Variants in TARS3 observed in about 807,000 individuals in gnomAD.
TARS3 encodes the protein threonyl-tRNA synthetase 3.
In TARS3, 94 loss-of-function variants were observed where a neutral mutation model predicts 103.5. The observed-to-expected ratio is 0.91, with a 90% CI of 0.77 to 1.08. TARS3 has a LOEUF of 1.08. Among genes scored for constraint, TARS3 ranks in the 50% least tolerant of loss-of-function variants. The pLI, the probability that TARS3 is intolerant of heterozygous loss-of-function variation, is 0.00. For synonymous variants in TARS3, 416 were observed against 355.4 expected (o/e 1.17, Z -1.92); for missense variants, 952 against 995.2 (o/e 0.96, Z 0.58).
At chr15:101,695,387 C>T (rs565395715) in intron 10 of TARS3, among the ~76,000 whole-genome samples, 47 of 152,280 alleles carry the variant, frequency 3.1e-4, no homozygotes, top group African/African-American at 9.4e-4. Flanking sequence ...TGGCTTAGTA[C>T]GATGCTTTCG....
At position 101,671,490 on chromosome 15, in the gene TARS3, CAT is replaced by C. The variant is rs762066096; in HGVS notation, c.1961_1962del (p.Tyr654CysfsTer2). On this transcript the variant is annotated frameshift_variant, in exon 15 of 19. Transcript: ENST00000335968. LOFTEE classifies it high-confidence loss of function. ...FQLPIRFNLT[Y>X]VSKDGDDKKR... is the part of the protein sequence containing the mutation. The stretch of plus-strand genomic sequence containing the variant: ...TTATCACATTCAATCACTCACCTAA[CAT>C]ATGTGAGATTAAATCTAATAGGCAG... 2.4e-5 allele frequency: 39 copies of C among 1,598,354 alleles called. No homozygotes were observed. Among genetic ancestry groups the C allele is most frequent in the Non-Finnish European group, 2.6e-5 (30 of 1,166,516 alleles).
intron 3 of TARS3, among the ~76,000 whole-genome samples, 153 bp from the exon 4 acceptor site, chr15:101,715,116 T>C (rs1230346712): frequency 6.6e-6 from 1 of 152,048 alleles, no homozygotes; most frequent in Non-Finnish European, 1.5e-5. Flanking sequence ...TTTGCAATAT[T>C]TATTTTATGT....
At chr15:101,683,274 A>G (rs1898329102) in intron 12 of TARS3, among the ~76,000 whole-genome samples, 1 of 152,158 alleles carries the variant, frequency 6.6e-6, no homozygotes, top group African/African-American at 2.4e-5. Context: ...ATCGCATCCT[A>G]CAAATTTTGA....
chr15:101,665,499 TATC>T (rs1236778097), intron 15 of TARS3, among the ~76,000 whole-genome samples: 1 of 152,238 alleles, frequency 6.6e-6, no homozygotes, highest in Non-Finnish European at 1.5e-5. Flanking sequence ...TGTACAGCGT[TATC>T]ATCTCAGCGT....
intron 18 of TARS3, chr15:101,656,169 T>G: frequency 1.3e-6 from 1 of 758,048 alleles, no homozygotes. Flanking sequence ...CTACCTTTCA[T>G]GTCATGGGAT....
intron 3 of TARS3, among the ~76,000 whole-genome samples, chr15:101,719,054 G>A (rs1900312525): frequency 1.3e-5 from 2 of 152,152 alleles, no homozygotes; most frequent in Admixed American, 6.5e-5. Flanking sequence ...CAAAATCAGG[G>A]CCCATGGAGG....
Position 101,657,019 on chromosome 15 carries a change from A to G in TARS3, c.2163T>C (p.Phe721=), listed in dbSNP as rs749466131. The G allele has an allele frequency of 1.9e-6, 3 of 1,612,710 alleles. No individual in the cohort carries two copies. The East Asian group carries it at 6.7e-5, about 36-fold the overall frequency. The change falls in exon 18 of 19, where the codon TTT becomes TTC. Residue 721 remains phenylalanine (F), a synonymous_variant. Coordinates refer to ENST00000335968, the MANE Select transcript of TARS3 (RefSeq NM_152334.3). ...KYALQVSSEF[F]EEGFMADVDL... is the part of the protein sequence containing the mutation. ...CAACGTCAGCCATAAATCCTTCTTC[A>G]AAAAATTCACTGGATACCTAGAAGA...
intron 10 of TARS3, among the ~76,000 whole-genome samples, chr15:101,691,642 G>C (rs1898729444): frequency 6.6e-6 from 1 of 152,078 alleles, no homozygotes; most frequent in South Asian, 2.1e-4. Flanking sequence ...GATGTTATAG[G>C]ACACAAATAG....
intron 10 of TARS3, among the ~76,000 whole-genome samples, chr15:101,699,804 C>A (rs1158149662): frequency 6.6e-6 from 1 of 152,086 alleles, no homozygotes; most frequent in African/African-American, 2.4e-5. Context: ...AGAGAATAAC[C>A]AGTGCAGGCC....
At chr15:101,672,428 G>A (rs956786065) in intron 13 of TARS3, among the ~76,000 whole-genome samples, 1 of 152,144 alleles carries the variant, frequency 6.6e-6, no homozygotes, top group Non-Finnish European at 1.5e-5. Flanking sequence ...AAGCACGTGG[G>A]CATTCCTGAG....
At chr15:101,701,236 T>G in intron 9 of TARS3, 52 bp from the exon 10 acceptor site, 1 of 1,116,022 alleles carries the variant, frequency 9.0e-7, no homozygotes, top group Non-Finnish European at 1.3e-6. Flanking sequence ...TTGCTTAATA[T>G]TTACTGCACA....
intron 10 of TARS3, among the ~76,000 whole-genome samples, chr15:101,694,446 C>T (rs943542776): frequency 6.6e-6 from 1 of 152,212 alleles, no homozygotes; most frequent in Non-Finnish European, 1.5e-5. Context: ...AAGGCAAAGG[C>T]TACTGATATT....
At chr15:101,689,762 T>C (rs1395964334) in intron 10 of TARS3, among the ~76,000 whole-genome samples, 1 of 152,208 alleles carries the variant, frequency 6.6e-6, no homozygotes, top group Non-Finnish European at 1.5e-5. Context: ...AACTGGGAGA[T>C]AATAAATTTC....
At chr15:101,685,082 T>C (rs750006248) in intron 11 of TARS3, among the ~76,000 whole-genome samples, 13 of 152,216 alleles carry the variant, frequency 8.5e-5, no homozygotes, top group Non-Finnish European at 1.6e-4. Context: ...GACATCATCA[T>C]AAAGTTAAAT....
Position 101,714,794 on chromosome 15 carries a change from C to A in TARS3, c.690+46G>T, listed in dbSNP as rs371496591. The A allele has an allele frequency of 1.2e-4, 195 of 1,587,328 alleles. No homozygotes were observed. The Admixed American group carries it at 1.4e-3, about 12-fold the overall frequency. On this transcript the variant is annotated intron_variant, in intron 4 of 18. Transcript: ENST00000335968. ...GTGGCCTCTTATATAATGTAGTTTA[C>A]AACATAACTACCCAAAGTTTGGCTG...
chr15:101,685,916 G>T lies in TARS3; in HGVS notation c.1467C>A (p.Pro489=), dbSNP rs954365300. 3.1e-6 allele frequency: 5 copies of T among 1,613,732 alleles called. No homozygotes were observed. The highest frequency in any genetic ancestry group is 3.4e-6 in the Non-Finnish European group (4 of 1,179,824). The stretch of plus-strand genomic sequence containing the variant: ...CTCACCAGTGCCCTGGACAATTCAT[G>T]GGTTTGAGGGCAAAAGTGTCCTTTT... ...EIEKDTFALK[P]MNCPGHCLMF... Residue 489 remains proline, a synonymous_variant, in exon 11 of 19, where the codon CCC becomes CCA. Transcript: ENST00000335968.
chr15:101,672,682 T>C (rs762019976), intron 13 of TARS3, among the ~76,000 whole-genome samples: 24 of 152,068 alleles, frequency 1.6e-4, no homozygotes, highest in Non-Finnish European at 2.9e-4. Context: ...GAGACGGAGA[T>C]TTTTTTCCTG....
At chr15:101,658,248 C>T (rs1333800543) in intron 16 of TARS3, among the ~76,000 whole-genome samples, 1 of 146,790 alleles carries the variant, frequency 6.8e-6, no homozygotes, top group Non-Finnish European at 1.5e-5. Context: ...CCCCAAATGT[C>T]CTTTAGCGGG....
chr15:101,697,377 A>G (rs1899031580), intron 10 of TARS3, among the ~76,000 whole-genome samples: 1 of 152,208 alleles, frequency 6.6e-6, no homozygotes. Context: ...ACCAGAAGTA[A>G]CATGGAAAAC....
Sources: gnomAD v4.1 joint callset for allele counts (sites outside exome capture counted in the v4.1 genomes callset) on GRCh38, gnomAD v4.1.1 for gene constraint, MANE v1.5 for transcripts, NCBI Gene and HGNC (gene_info 2026-07-23, HGNC 2026-07-21) for gene names.